The following ZFAT variants were observed in gnomAD, a reference collection of about 807,000 sequenced individuals.
ZFAT encodes the protein zinc finger and AT-hook domain containing, also known as zinc finger protein ZFAT.
ZFAT carries 64 observed loss-of-function variants against 117.7 expected under a neutral mutation model. The ratio of observed to expected loss-of-function variants is 0.54; its 90% CI spans 0.44 to 0.67. The LOEUF (loss-of-function observed/expected upper bound fraction) is 0.67, where lower values mean the gene tolerates loss of function less well. Ranked by LOEUF, ZFAT falls within the 30% of genes least tolerant of loss-of-function variation. The pLI is 0.00. For missense variants in ZFAT, 1,433 were observed against 1,584.5 expected, an observed-to-expected ratio of 0.90 and a Z score of 1.62; for synonymous variants, 679 against 615.0, an observed-to-expected ratio of 1.10 and a Z score of -1.54.
chr8:134,613,516 T>A (rs902568113), intron 3 of ZFAT, among the ~76,000 whole-genome samples: 1 of 152,158 alleles, frequency 6.6e-6, no homozygotes, highest in African/African-American at 2.4e-5. Context: ...AAGAATCTCA[T>A]CTCTCCCCTC....
rs150752189 is a variant in ZFAT, at chr8:134,707,750, T to C, written c.19+5095A>G. 6.3e-3 allele frequency among the ~76,000 whole-genome samples: 967 copies of C among 152,318 alleles called. 14 individuals are homozygous for C. The highest frequency in any genetic ancestry group is 0.022 in the African/African-American group (921 of 41,570). On this transcript the variant is annotated intron_variant, in intron 1 of 15. Transcript: ENST00000377838. ...CTGGCATCCTCTAAGGCCAGGTCCC[T>C]ACCCCACCCATCCTGCCTTGATCAG...
chr8:134,665,320 G>T (rs1415063238), intron 1 of ZFAT, among the ~76,000 whole-genome samples: 2 of 152,344 alleles, frequency 1.3e-5, no homozygotes, highest in African/African-American at 4.8e-5. Context: ...CAACTTTCAG[G>T]CCCTCAAGGG....
At chr8:134,523,061 G>A (rs1820776021) in intron 12 of ZFAT, among the ~76,000 whole-genome samples, 1 of 152,142 alleles carries the variant, frequency 6.6e-6, no homozygotes, top group Non-Finnish European at 1.5e-5. Flanking sequence ...CCTCAGCCCT[G>A]TTAGACTCAA....
chr8:134,712,835 C>T lies in ZFAT; in HGVS notation c.19+10G>A, dbSNP rs1356189202. ...CACCCCGTCTCACCCCAACCCCCAG[C>T]CCGGCTCACCTGCCGCCCGCGTCTC... is the stretch of plus-strand genomic sequence containing the variant. On this transcript the variant is annotated intron_variant, in intron 1 of 15. Coordinates refer to ENST00000377838, the MANE Select transcript of ZFAT (RefSeq NM_020863.4). 7 of 1,500,092 alleles carry T rather than the reference C, an allele frequency of 4.7e-6. No homozygotes were observed. In the Admixed American group the frequency reaches 1.1e-4, roughly 24 times the overall value. 92.9% of individuals were successfully genotyped at this position (1,500,092 alleles called of 1,614,324 possible). A position where few individuals can be genotyped will look rare whatever the true frequency, so the allele number is the denominator to read the frequency against.
intron 12 of ZFAT, 29 bp from the exon 13 acceptor site, chr8:134,521,030 AAAT>A: frequency 6.4e-7 from 1 of 1,565,550 alleles, no homozygotes; most frequent in Non-Finnish European, 8.8e-7. Flanking sequence ...GTTAAAAAAA[AAAT>A]GTGTTCGTAA....
chr8:134,786,789 ATAATTT>A, the ZFAT span, among the ~76,000 whole-genome samples: 2 of 152,054 alleles, frequency 1.3e-5, no homozygotes, highest in Non-Finnish European at 2.9e-5. Context: ...TCTAAATCAA[ATAATTT>A]TAATTTTATC....
At chr8:134,559,158 A>AAT (rs1823873823) in intron 11 of ZFAT, among the ~76,000 whole-genome samples, 2 of 152,078 alleles carry the variant, frequency 1.3e-5, no homozygotes, top group South Asian at 2.1e-4. Flanking sequence ...ACATGGTTAA[A>AAT]ATATATATAT....
At chr8:134,570,731 C>T (rs1824830961) in intron 10 of ZFAT, among the ~76,000 whole-genome samples, 1 of 152,172 alleles carries the variant, frequency 6.6e-6, no homozygotes, top group Non-Finnish European at 1.5e-5. Context: ...CAGGGCATCA[C>T]AAGGGCCAGT....
At chr8:134,561,417 C>G (rs1824041656) in intron 11 of ZFAT, among the ~76,000 whole-genome samples, 1 of 152,068 alleles carries the variant, frequency 6.6e-6, no homozygotes, top group Non-Finnish European at 1.5e-5. Flanking sequence ...AACCTAGGCA[C>G]CGATTTCCAT....
chr8:134,826,368 T>C, the ZFAT span, among the ~76,000 whole-genome samples: 1 of 152,234 alleles, frequency 6.6e-6, no homozygotes, highest in Non-Finnish European at 1.5e-5. Flanking sequence ...TTTTTTCTTT[T>C]AGAGAAGCTT....
chr8:134,511,178 G>C (rs1819807081), intron 14 of ZFAT: 1 of 152,388 alleles, frequency 6.6e-6, no homozygotes, highest in South Asian at 2.1e-4. Context: ...GCAAAGTTAA[G>C]AGCTAGGAAG....
At chr8:134,712,809 C>CCACCCCGTCT (rs1814072221) in intron 1 of ZFAT, 36 bp downstream of exon 1, 1 of 1,010,832 alleles carries the variant, frequency 9.9e-7, no homozygotes. Flanking sequence ...CGCCCCACCC[C>CCACCCCGTCT]CACCCCGTCT....
chr8:134,722,021 C>A, the ZFAT span, among the ~76,000 whole-genome samples: 3 of 152,346 alleles, frequency 2.0e-5, no homozygotes, highest in Admixed American at 2.0e-4. Flanking sequence ...GCGTGCCCAC[C>A]AGGTGCCCAA....
chr8:134,528,793 G>C (rs936682462), intron 12 of ZFAT, among the ~76,000 whole-genome samples: 1 of 152,190 alleles, frequency 6.6e-6, no homozygotes, highest in African/African-American at 2.4e-5. Flanking sequence ...CAGAGCTTTG[G>C]CGGGAGCTGC....
intron 10 of ZFAT, among the ~76,000 whole-genome samples, chr8:134,569,083 C>T (rs959195204): frequency 3.3e-5 from 5 of 152,018 alleles, no homozygotes; most frequent in African/African-American, 1.2e-4. Flanking sequence ...ATGCCTTTTC[C>T]CTAAAATATA....
intron 11 of ZFAT, among the ~76,000 whole-genome samples, chr8:134,536,492 ATCT>A (rs1289824280): frequency 2.6e-5 from 4 of 152,012 alleles, no homozygotes; most frequent in African/African-American, 9.7e-5. Flanking sequence ...TCTGCTGGGG[ATCT>A]TCTCTCCCAA....
At chr8:134,549,442 GAAAAAA>G (rs34384490) in intron 11 of ZFAT, among the ~76,000 whole-genome samples, 1 of 119,410 alleles carries the variant, frequency 8.4e-6, no homozygotes, top group Admixed American at 8.3e-5. Context: ...CTCCGTCTCA[GAAAAAA>G]AAAAAAAAAA....
At chr8:134,600,810 T>C in intron 6 of ZFAT, 142 bp from the exon 7 acceptor site, 1 of 694,934 alleles carries the variant, frequency 1.4e-6, no homozygotes, top group East Asian at 2.9e-5. Context: ...TTCACCACAT[T>C]TCTGTCTGAA....
the ZFAT span, among the ~76,000 whole-genome samples, chr8:134,750,735 C>T: frequency 6.6e-6 from 1 of 152,118 alleles, no homozygotes; most frequent in Non-Finnish European, 1.5e-5. Context: ...CACTGCACTC[C>T]AGCCTGGATG....
Sources: gnomAD v4.1 joint callset for allele counts (sites outside exome capture counted in the v4.1 genomes callset) on GRCh38, gnomAD v4.1.1 for gene constraint, MANE v1.5 for transcripts, NCBI Gene and HGNC (gene_info 2026-07-23, HGNC 2026-07-21) for gene names.